EYA1: variants seen among roughly 807,000 people sequenced by gnomAD.
EYA1 encodes the protein EYA transcriptional coactivator and phosphatase 1.
Under a neutral mutation model 82.0 loss-of-function variants are expected in EYA1, and 16 were observed. The observed-to-expected ratio is 0.20, with a 90% CI of 0.13 to 0.30. The LOEUF is 0.30. Ranked by LOEUF, EYA1 falls within the 10% of genes least tolerant of loss-of-function variation. The pLI is 1.00. For missense variants in EYA1, 633 were observed against 730.7 expected (o/e 0.87, Z 1.54); for synonymous variants, 261 against 264.4 (o/e 0.99, Z 0.12).
chr8:71,525,870 C>CA (rs1282529104), intron 2 of EYA1, among the ~76,000 whole-genome samples: 1 of 152,126 alleles, frequency 6.6e-6, no homozygotes, highest in Non-Finnish European at 1.5e-5. Context: ...TGGCTCCAGG[C>CA]AATTGTACTT....
chr8:71,257,679 A>G (rs1222895868), intron 11 of EYA1, among the ~76,000 whole-genome samples: 7 of 152,174 alleles, frequency 4.6e-5, no homozygotes, highest in Non-Finnish European at 2.9e-5. Flanking sequence ...TTTTTACCAT[A>G]TGGGATGTTC....
chr8:71,366,300 A>G (rs1586560805), upstream of EYA1, among the ~76,000 whole-genome samples: 1 of 152,344 alleles, frequency 6.6e-6, no homozygotes, highest in African/African-American at 2.4e-5. Context: ...CTATTTTAAA[A>G]TCAACTGATT....
At chr8:71,259,277 C>G (rs1814811584) in intron 11 of EYA1, among the ~76,000 whole-genome samples, 1 of 152,126 alleles carries the variant, frequency 6.6e-6, no homozygotes. Context: ...GCCCGCCCAC[C>G]ACAGTTCATG....
intron 2 of EYA1, among the ~76,000 whole-genome samples, chr8:71,482,620 A>G (rs1422515848): frequency 6.6e-6 from 1 of 152,222 alleles, no homozygotes; most frequent in African/African-American, 2.4e-5. Context: ...CATAAAAGTC[A>G]AAAAATGAAA....
Position 71,354,897 on chromosome 8 carries a change from C to A in EYA1, c.9G>T (p.Met3Ile). The A allele has an allele frequency of 1.2e-6, 2 of 1,613,270 alleles. No individual in the cohort carries two copies. The highest frequency in any genetic ancestry group is 8.5e-7 in the Non-Finnish European group (1 of 1,179,432). Residue 3 changes from methionine to isoleucine, a missense_variant, in exon 3 of 18, where the codon ATG becomes ATT. By Grantham distance (10) the Met-to-Ile change is conservative (BLOSUM62 1). Coordinates refer to ENST00000340726, the MANE Select transcript of EYA1 (RefSeq NM_000503.6). ...GGCTATGCGGGCTGGTTAGATCCTG[C>A]ATTTCCATAGACCTAAAGACAAGAA... ME[M>I]QDLTSPHSRL...
chr8:71,527,993 C>T (rs1300171208), intron 2 of EYA1, among the ~76,000 whole-genome samples: 2 of 152,064 alleles, frequency 1.3e-5, no homozygotes, highest in Non-Finnish European at 2.9e-5. Context: ...GCCCTCGCCC[C>T]CACCCCTCAC....
intron 12 of EYA1, among the ~76,000 whole-genome samples, chr8:71,220,785 A>G (rs185417051): frequency 6.6e-6 from 1 of 152,108 alleles, no homozygotes; most frequent in East Asian, 1.9e-4. Context: ...TTCCAGGCAA[A>G]TAAAAGAGCA....
At chr8:71,289,700 T>C (rs1401069667) in intron 9 of EYA1, among the ~76,000 whole-genome samples, 2 of 152,210 alleles carry the variant, frequency 1.3e-5, no homozygotes, top group Non-Finnish European at 1.5e-5. Context: ...TACAACTCTA[T>C]CTCATGGAGC....
chr8:71,313,369 A>G (rs1405241318), intron 7 of EYA1, among the ~76,000 whole-genome samples: 1 of 152,200 alleles, frequency 6.6e-6, no homozygotes, highest in Admixed American at 6.5e-5. Flanking sequence ...ATTATTACAC[A>G]TATTAAAATT....
intron 2 of EYA1, among the ~76,000 whole-genome samples, chr8:71,390,966 C>CT (rs1026531196): frequency 6.6e-6 from 1 of 151,280 alleles, no homozygotes; most frequent in African/African-American, 2.4e-5. Context: ...TAAAATTTAC[C>CT]TTTTTTTGTT....
chr8:71,327,696 T>C (rs1823316117), intron 4 of EYA1, among the ~76,000 whole-genome samples: 1 of 151,946 alleles, frequency 6.6e-6, no homozygotes, highest in African/African-American at 2.4e-5. Flanking sequence ...AGAGTGAGAG[T>C]GAGTCACTAT....
At chr8:71,257,664 A>G (rs568701803) in intron 11 of EYA1, among the ~76,000 whole-genome samples, 61 of 152,280 alleles carry the variant, frequency 4.0e-4, no homozygotes, top group African/African-American at 1.4e-3. Context: ...TATTCACTCT[A>G]TTCATTTTTA....
intron 4 of EYA1, among the ~76,000 whole-genome samples, chr8:71,333,696 T>G (rs1467978024): frequency 1.3e-5 from 2 of 152,194 alleles, no homozygotes; most frequent in Non-Finnish European, 2.9e-5. Flanking sequence ...GACAGTTACT[T>G]AGCAAGATGA....
At chr8:71,231,989 T>C (rs1054302917) in intron 12 of EYA1, among the ~76,000 whole-genome samples, 1 of 152,234 alleles carries the variant, frequency 6.6e-6, no homozygotes, top group African/African-American at 2.4e-5. Flanking sequence ...CAAGGTGTTA[T>C]TGACTTCCTT....
At chr8:71,422,782 T>A (rs1287029863) in intron 2 of EYA1, among the ~76,000 whole-genome samples, 2 of 152,034 alleles carry the variant, frequency 1.3e-5, no homozygotes, top group Non-Finnish European at 2.9e-5. Flanking sequence ...GAGAACCCCA[T>A]CACTATCAGG....
intron 11 of EYA1, among the ~76,000 whole-genome samples, chr8:71,262,521 T>C (rs918361450): frequency 1.3e-5 from 2 of 152,202 alleles, no homozygotes; most frequent in Admixed American, 6.5e-5. Context: ...AGCCCTGTAA[T>C]TGCTCCCATT....
chr8:71,198,803 G>GGTGAATTGTAGGGTAT lies in EYA1; in HGVS notation c.*536_*537insATACCCTACAATTCAC, dbSNP rs141811307. ...ATTTGATGTTTAAAAAAGTCTGGTG[G>GGTGAATTGTAGGGTAT]GTGAATTATACCTCAATAAAGCTGT... On this transcript the variant is annotated 3_prime_UTR_variant, in exon 18 of 18. Coordinates refer to ENST00000340726, the MANE Select transcript of EYA1 (RefSeq NM_000503.6). 0.21 allele frequency: 33,482 copies of GGTGAATTGTAGGGTAT among 158,164 alleles called. 3,846 individuals are homozygous for GGTGAATTGTAGGGTAT. The highest frequency in any genetic ancestry group is 0.3 in the African/African-American group (12,470 of 41,394). 9.8% of individuals were successfully genotyped at this position (158,164 alleles called of 1,614,324 possible).
At chr8:71,223,579 G>A (rs1395786843) in intron 12 of EYA1, among the ~76,000 whole-genome samples, 1 of 152,188 alleles carries the variant, frequency 6.6e-6, no homozygotes, top group Non-Finnish European at 1.5e-5. Flanking sequence ...GTAGGTATAG[G>A]GAGTGGGCAG....
chr8:71,225,874 TGAGA>T (rs1452361729), intron 12 of EYA1, among the ~76,000 whole-genome samples: 1 of 152,184 alleles, frequency 6.6e-6, no homozygotes. Flanking sequence ...ATTATCTAAG[TGAGA>T]GAGATTTTAC....
Sources: gnomAD v4.1 joint callset for allele counts (sites outside exome capture counted in the v4.1 genomes callset) on GRCh38, gnomAD v4.1.1 for gene constraint, MANE v1.5 for transcripts, NCBI Gene and HGNC (gene_info 2026-07-23, HGNC 2026-07-21) for gene names.